ZC3H7B: variants seen among roughly 807,000 people sequenced by gnomAD.
ZC3H7B encodes zinc finger CCCH-type containing 7B.
A neutral mutation model predicts 116.0 loss-of-function variants in ZC3H7B; 35 were observed. The observed-to-expected ratio is 0.30, with a 90% CI of 0.23 to 0.40. The LOEUF (loss-of-function observed/expected upper bound fraction) is 0.40. ZC3H7B is among the 10% of genes least tolerant of loss of function. The pLI, the probability that ZC3H7B is intolerant of heterozygous loss-of-function variation, is 1.00. For synonymous variants in ZC3H7B, 502 were observed against 545.6 expected (o/e 0.92, Z 1.11); for missense variants, 1,011 against 1,321.5 (o/e 0.77, Z 3.64).
At chr22:41,316,944 G>T (rs1346344610) in intron 1 of ZC3H7B, among the ~76,000 whole-genome samples, 1 of 152,126 alleles carries the variant, frequency 6.6e-6, no homozygotes, top group Non-Finnish European at 1.5e-5. Flanking sequence ...CTGGATTCAA[G>T]CGATTTTCCT....
chr22:41,357,333 T>C lies in ZC3H7B; in HGVS notation c.2838T>C (p.Phe946=), dbSNP rs897196817. The C allele has an allele frequency of 2.2e-5, 35 of 1,613,654 alleles. No homozygotes were observed. The highest frequency in any genetic ancestry group is 3.0e-5 in the Non-Finnish European group (35 of 1,179,964). Reference sequence around the variant, plus strand: ...TGCTGTGCCCACGGGACGACGACTTTGGCAAATACAACTTCCTGCTGCAAG... The same window carrying C: ...TGCTGTGCCCACGGGACGACGACTTCGGCAAATACAACTTCCTGCTGCAAG... ...DMLLCPRDDD[F]GKYNFLLQED... Residue 946 remains phenylalanine, a synonymous_variant, in exon 23 of 23, where the codon TTT becomes TTC. Coordinates refer to ENST00000352645, the MANE Select transcript of ZC3H7B (RefSeq NM_017590.6). This position sits in a 1 kb window ranked among gnomAD's most constrained non-coding sequence, Gnocchi z 5.4.
At chr22:41,343,325 G>A in intron 12 of ZC3H7B, 90 bp from the exon 13 acceptor site, 1 of 1,500,044 alleles carries the variant, frequency 6.7e-7, no homozygotes, top group Non-Finnish European at 9.0e-7. Flanking sequence ...TATAAGGAGG[G>A]GGCCGATTCC....
intron 9 of ZC3H7B, 93 bp from the exon 10 acceptor site, chr22:41,339,723 G>A (rs921611044): frequency 3.4e-5 from 41 of 1,216,734 alleles, no homozygotes; most frequent in African/African-American, 4.6e-5. Flanking sequence ...AGGCGACAGG[G>A]TGCAGGTCTC....
In ZC3H7B at chr22:41,339,052, C is replaced by G. The variant is rs142339754; in HGVS notation, c.677C>G (p.Thr226Arg). 1 of 1,609,190 alleles carries G rather than the reference C, an allele frequency of 6.2e-7. No individual in the cohort carries two copies. The highest frequency in any genetic ancestry group is 1.7e-5 in the Admixed American group (1 of 59,748). ...CCAGCCCTTCTCCCCTCCACGCCCA[C>G]GATGCCCCTGTTCCCTCACGTTCTG... ...GSPALLPSTPTMPLFPHVLDL... is the reference protein window; with the variant it reads ...GSPALLPSTPRMPLFPHVLDL... The change falls in exon 9 of 23, where the codon ACG becomes AGG. Residue 226 changes from threonine to arginine, a missense_variant. Physicochemically the swap from Thr to Arg is moderately conservative, Grantham distance 71. Coordinates refer to ENST00000352645, the MANE Select transcript of ZC3H7B (RefSeq NM_017590.6).
At position 41,302,799 on chromosome 22, in the gene ZC3H7B, G is replaced by A. The variant is rs985215178; in HGVS notation, c.-7+1027G>A. Among the ~76,000 whole-genome samples, 1 of 152,054 alleles carries A rather than the reference G, an allele frequency of 6.6e-6. No homozygotes were observed. The highest frequency in any genetic ancestry group is 1.5e-5 in the Non-Finnish European group (1 of 68,012). ...GCTGTATTGCCAACAGGGCATTGAC[G>A]GGGAAGACTAGGGGGCTAGGGCCCT... is the stretch of plus-strand genomic sequence containing the variant. On this transcript the variant is annotated intron_variant, in intron 1 of 22. Coordinates refer to ENST00000352645, the MANE Select transcript of ZC3H7B (RefSeq NM_017590.6). The surrounding 1 kb of genome is among the most constrained non-coding windows in gnomAD (Gnocchi z 5.7).
chr22:41,337,140 A>G (rs1178035796), intron 7 of ZC3H7B, among the ~76,000 whole-genome samples: 1 of 152,018 alleles, frequency 6.6e-6, no homozygotes, highest in Non-Finnish European at 1.5e-5. Flanking sequence ...CCATCTCAAA[A>G]AAGAATAAAT....
chr22:41,312,156 CAAAAAA>C (rs57597464), intron 1 of ZC3H7B, among the ~76,000 whole-genome samples: 1 of 88,940 alleles, frequency 1.1e-5, no homozygotes, highest in Non-Finnish European at 2.3e-5. Context: ...GACTCCGTCT[CAAAAAA>C]AAAAAAAAAA....
rs913243224 is a variant in ZC3H7B, at chr22:41,302,448, T to G, written c.-7+676T>G. On this transcript the variant is annotated intron_variant, in intron 1 of 22. Transcript: ENST00000352645. This position sits in a 1 kb window ranked among gnomAD's most constrained non-coding sequence, Gnocchi z 5.7. ...CCGGTCGCAGGATCAGTCTCTGGACTTCGAGGCCTGTGGGAGGCCCGCGGC... is the reference window on the plus strand; with the variant it reads ...CCGGTCGCAGGATCAGTCTCTGGACGTCGAGGCCTGTGGGAGGCCCGCGGC... Among the ~76,000 whole-genome samples, 1 of 152,032 alleles carries G rather than the reference T, an allele frequency of 6.6e-6. No homozygotes were observed. The highest frequency in any genetic ancestry group is 1.5e-5 in the Non-Finnish European group (1 of 67,966).
intron 2 of ZC3H7B, among the ~76,000 whole-genome samples, chr22:41,323,669 C>T (rs1168931629): frequency 1.3e-5 from 2 of 152,204 alleles, no homozygotes; most frequent in Admixed American, 1.3e-4. Flanking sequence ...ATTTTTGCCC[C>T]ACTCCTCCTA....
At chr22:41,311,693 G>A (rs961461527) in intron 1 of ZC3H7B, among the ~76,000 whole-genome samples, 13 of 152,158 alleles carry the variant, frequency 8.5e-5, no homozygotes, top group African/African-American at 2.4e-4. Flanking sequence ...TAGGCGAGTC[G>A]TTAACATGAC....
rs938694559 is a variant in ZC3H7B, at chr22:41,349,270, G to A, written c.1917G>A (p.Glu639=). 1 of 1,613,636 alleles carries A rather than the reference G, an allele frequency of 6.2e-7. No individual in the cohort carries two copies. Among genetic ancestry groups the A allele is most frequent in the African/African-American group, 1.3e-5 (1 of 74,934 alleles). ...GCCACTTCGCCCACAGCTTCATCGAGCTCAAGGTCTGGCTGCTGCAGCAGT... is the reference window on the plus strand; with the variant it reads ...GCCACTTCGCCCACAGCTTCATCGAACTCAAGGTCTGGCTGCTGCAGCAGT... ...DSCHFAHSFI[E]LKVWLLQQYS... The change falls in exon 16 of 23, where the codon GAG becomes GAA. Residue 639 remains glutamate (E), a synonymous_variant. Coordinates refer to ENST00000352645, the MANE Select transcript of ZC3H7B (RefSeq NM_017590.6). This position sits in a 1 kb window ranked among gnomAD's most constrained non-coding sequence, Gnocchi z 4.9.
Position 41,356,459 on chromosome 22 carries a change from GACT to G in ZC3H7B, c.2503_2505del (p.Tyr835del). The stretch of plus-strand genomic sequence containing the variant: ...GGAGAAGCAGATCCAGATGCCCACG[GACT>G]ACGCGGACATCATGGTAACGCCTCC... On this transcript the variant is annotated inframe_deletion, in exon 21 of 23. Coordinates refer to ENST00000352645, the MANE Select transcript of ZC3H7B (RefSeq NM_017590.6). 2 of 1,614,114 alleles carry G rather than the reference GACT, an allele frequency of 1.2e-6. No individual in the cohort carries two copies. The highest frequency in any genetic ancestry group is 1.7e-6 in the Non-Finnish European group (2 of 1,180,042).
rs764683265 is a variant in ZC3H7B at position 41,340,068 on chromosome 22, A to G, written c.1069A>G (p.Thr357Ala). The part of the protein sequence containing the change: ...DPLDLLPYSE[T>A]RLDALDSFGS... ...CCTGGACCTGCTGCCGTACTCGGAG[A>G]CCCGGCTGGATGCACTCGACAGCTT... Residue 357 changes from threonine to alanine, a missense_variant, in exon 10 of 23, where the codon ACC becomes GCC. By Grantham distance (58) the Thr-to-Ala change is moderately conservative (BLOSUM62 0). This residue lies in a region of ZC3H7B where 99 missense variants were observed against 89.5 expected (regional missense o/e 1.11). Coordinates refer to ENST00000352645, the MANE Select transcript of ZC3H7B (RefSeq NM_017590.6). 1 of 1,611,764 alleles carries G rather than the reference A, an allele frequency of 6.2e-7. No homozygotes were observed.
rs569520453 is a variant in ZC3H7B, at chr22:41,303,780, C to T, written c.-7+2008C>T. On this transcript the variant is annotated intron_variant, in intron 1 of 22. Coordinates refer to ENST00000352645, the MANE Select transcript of ZC3H7B (RefSeq NM_017590.6). ...TTTATTTTATTTTACTTTTTTGAGA[C>T]GGAGTCTCGCTCTGTCGCCCAGGCT... Among the ~76,000 whole-genome samples the T allele has an allele frequency of 2.0e-3, 312 of 152,268 alleles. 3 individuals carry two copies. Among genetic ancestry groups the T allele is most frequent in the African/African-American group, 7.2e-3 (301 of 41,556 alleles).
chr22:41,355,947 C>G lies in ZC3H7B; in HGVS notation c.2275-7C>G. ...ACTCAGAGGATCTCCCCACGCCCAC[C>G]CCACAGCTCTGCATCCATGCACAGA... On this transcript the variant is annotated splice_region_variant and splice_polypyrimidine_tract_variant and intron_variant, in intron 19 of 22. Transcript: ENST00000352645. 1 of 1,592,792 alleles carries G rather than the reference C, an allele frequency of 6.3e-7. No individual in the cohort carries two copies. Among genetic ancestry groups the G allele is most frequent in the South Asian group, 1.1e-5 (1 of 87,574 alleles).
At position 41,357,628 on chromosome 22, in the gene ZC3H7B, G is replaced by C; in HGVS notation, c.*199G>C. 1.3e-6 allele frequency: 1 copy of C among 759,656 alleles called. No individual in the cohort carries two copies. The allele number at this position is 759,656 out of a possible 1,614,324, so 47.1% of individuals were successfully genotyped here. A position where few individuals can be genotyped will look rare whatever the true frequency, so the allele number is the denominator to read the frequency against. On this transcript the variant is annotated 3_prime_UTR_variant, in exon 23 of 23. Coordinates refer to ENST00000352645, the MANE Select transcript of ZC3H7B (RefSeq NM_017590.6). This position sits in a 1 kb window ranked among gnomAD's most constrained non-coding sequence, Gnocchi z 5.4. ...CCAGGCGCACGTGCTGCAGCCCCCGGAGGCCCCGCTGAAACCTGGGCTGCC... is the reference window on the plus strand; with the variant it reads ...CCAGGCGCACGTGCTGCAGCCCCCGCAGGCCCCGCTGAAACCTGGGCTGCC...
chr22:41,304,825 C>T (rs924904208), intron 1 of ZC3H7B, among the ~76,000 whole-genome samples: 4 of 152,296 alleles, frequency 2.6e-5, no homozygotes, highest in Middle Eastern at 3.4e-3. Context: ...TTGAGGAACA[C>T]GGGATTTGTG....
At chr22:41,304,960 C>T (rs1417217079) in intron 1 of ZC3H7B, among the ~76,000 whole-genome samples, 1 of 152,140 alleles carries the variant, frequency 6.6e-6, no homozygotes, top group Non-Finnish European at 1.5e-5. Flanking sequence ...TCCTATAATC[C>T]CAGCACTTTG....
intron 11 of ZC3H7B, among the ~76,000 whole-genome samples, 160 bp downstream of exon 11, chr22:41,341,306 C>T (rs1032159934): frequency 1.3e-5 from 2 of 152,194 alleles, no homozygotes; most frequent in African/African-American, 2.4e-5. Context: ...TCGTGCCCTT[C>T]CTCACCAAGC....
Sources: gnomAD v4.1 joint callset for allele counts (sites outside exome capture counted in the v4.1 genomes callset) on GRCh38, gnomAD v4.1.1 for gene constraint, gnomAD v4.1.1 regional missense constraint, Gnocchi (gnomAD v3.1) non-coding constraint, MANE v1.5 for transcripts, NCBI Gene and HGNC (gene_info 2026-07-23, HGNC 2026-07-21) for gene names.